The following SYN2 variants were observed in gnomAD, a reference collection of about 807,000 sequenced individuals.
SYN2 encodes the protein synapsin II.
In SYN2, 19 loss-of-function variants were observed where a neutral mutation model predicts 50.9. That is an observed-to-expected ratio of 0.37 (90% CI 0.26 to 0.55). SYN2 has a LOEUF of 0.55. Ranked by LOEUF, SYN2 falls within the 20% of genes least tolerant of loss-of-function variation. The pLI is 0.81. For synonymous variants in SYN2, 255 were observed against 224.9 expected, an observed-to-expected ratio of 1.13 and a Z score of -1.20; for missense variants, 587 against 576.4, an observed-to-expected ratio of 1.02 and a Z score of -0.19.
At chr3:12,112,657 A>G (rs1011356601) in intron 1 of SYN2, among the ~76,000 whole-genome samples, 1 of 152,190 alleles carries the variant, frequency 6.6e-6, no homozygotes, top group African/African-American at 2.4e-5. Context: ...TTTCTAGATG[A>G]GGGCTCTAAA....
intron 1 of SYN2, among the ~76,000 whole-genome samples, chr3:12,038,887 C>T (rs1305904166): frequency 3.9e-5 from 6 of 152,098 alleles, no homozygotes; most frequent in East Asian, 3.8e-4. Context: ...TTTTCCAATT[C>T]GGATGCCTTT....
intron 1 of SYN2, among the ~76,000 whole-genome samples, chr3:12,072,551 T>C (rs1465247011): frequency 6.6e-6 from 1 of 152,220 alleles, no homozygotes; most frequent in East Asian, 1.9e-4. Context: ...CGATATATGG[T>C]TGTCCCAGCA....
chr3:12,014,202 A>G (rs553269483), intron 1 of SYN2, among the ~76,000 whole-genome samples: 3 of 152,274 alleles, frequency 2.0e-5, no homozygotes, highest in African/African-American at 7.2e-5. Flanking sequence ...TCCTTTTTGC[A>G]TCCTTAGCAT....
chr3:12,099,008 G>A (rs1475088617), intron 1 of SYN2, among the ~76,000 whole-genome samples: 3 of 151,844 alleles, frequency 2.0e-5, no homozygotes, highest in Admixed American at 2.0e-4. Flanking sequence ...ACTCTATCAA[G>A]AAGATGTAAC....
chr3:12,170,853 G>T (rs1697921374), intron 10 of SYN2, among the ~76,000 whole-genome samples: 1 of 152,196 alleles, frequency 6.6e-6, no homozygotes, highest in Non-Finnish European at 1.5e-5. Flanking sequence ...TGTGGGCTTT[G>T]AAGTGAGAAC....
At chr3:12,022,488 A>G (rs908620495) in intron 1 of SYN2, among the ~76,000 whole-genome samples, 4 of 152,166 alleles carry the variant, frequency 2.6e-5, no homozygotes, top group African/African-American at 9.6e-5. Context: ...GCTCACTGCA[A>G]CCTTTGCCTC....
At chr3:12,155,327 G>A (rs1697423262) in intron 5 of SYN2, among the ~76,000 whole-genome samples, 1 of 152,216 alleles carries the variant, frequency 6.6e-6, no homozygotes. Flanking sequence ...TGCAGTATAA[G>A]AACAAAGGAA....
chr3:12,065,964 G>A (rs1395987949), intron 1 of SYN2, among the ~76,000 whole-genome samples: 1 of 152,180 alleles, frequency 6.6e-6, no homozygotes, highest in African/African-American at 2.4e-5. Context: ...AAGCAGATTA[G>A]TGGTTACCTA....
chr3:12,070,141 C>T (rs913283477), intron 1 of SYN2: 1 of 302,236 alleles, frequency 3.3e-6, no homozygotes, highest in South Asian at 3.2e-5. Flanking sequence ...TGGTTAATGA[C>T]GTTGAGTATC....
Position 12,142,003 on chromosome 3 carries a change from G to A in SYN2, c.527+7G>A, listed in dbSNP as rs2125216965. ...ATGGCACAAAGGTTGTCCGGTAAGGGTCTTTCTGTCCTCAGGATCATTGTG... is the reference window on the plus strand; with the variant it reads ...ATGGCACAAAGGTTGTCCGGTAAGGATCTTTCTGTCCTCAGGATCATTGTG... On this transcript the variant is annotated splice_region_variant and intron_variant, in intron 3 of 12. Transcript: ENST00000621198. 5.1e-6 allele frequency: 4 copies of A among 780,728 alleles called. No individual in the cohort carries two copies. In the East Asian group the frequency reaches 7.3e-5, roughly 14 times the overall value. The allele number at this position is 780,728 out of a possible 1,614,324, so 48.4% of individuals were successfully genotyped here.
Position 12,190,689 on chromosome 3 carries a change from AG to A in SYN2, c.*65del. ...GGCATCTAAGACATTCACCAACAAC[AG>A]TCAGCCAGCTTGGTGGTTATGTCCC... On this transcript the variant is annotated 3_prime_UTR_variant, in exon 13 of 13. Transcript: ENST00000621198. 1 of 1,583,240 alleles carries A rather than the reference AG, an allele frequency of 6.3e-7. No individual in the cohort carries two copies. Among genetic ancestry groups the A allele is most frequent in the Non-Finnish European group, 8.6e-7 (1 of 1,165,550 alleles).
At chr3:12,101,911 TAGTC>T (rs1696085426) in intron 1 of SYN2, among the ~76,000 whole-genome samples, 1 of 152,146 alleles carries the variant, frequency 6.6e-6, no homozygotes. Context: ...ATACAGGGAT[TAGTC>T]AGACACAGTC....
intron 1 of SYN2, among the ~76,000 whole-genome samples, chr3:12,068,312 A>C (rs1695266240): frequency 6.6e-6 from 1 of 152,182 alleles, no homozygotes; most frequent in African/African-American, 2.4e-5. Context: ...GGCATTGCTC[A>C]GTTATCTTCC....
intron 1 of SYN2, among the ~76,000 whole-genome samples, chr3:12,045,206 A>G (rs1347613836): frequency 6.6e-6 from 1 of 152,106 alleles, no homozygotes; most frequent in African/African-American, 2.4e-5. Context: ...GGTTTACTGC[A>G]TTTAGTATTT....
intron 1 of SYN2, among the ~76,000 whole-genome samples, chr3:12,009,084 C>T (rs775673646): frequency 4.7e-4 from 71 of 152,270 alleles, no homozygotes; most frequent in Non-Finnish European, 7.5e-4. Context: ...AGGTTTGGGG[C>T]TTCTCTTTGT....
intron 6 of SYN2, 158 bp downstream of exon 6, chr3:12,161,766 G>C: frequency 9.9e-7 from 1 of 1,010,170 alleles, no homozygotes. Flanking sequence ...CACCCAACCA[G>C]ACCTCTTTCA....
intron 10 of SYN2, among the ~76,000 whole-genome samples, chr3:12,182,457 C>T (rs1390836607): frequency 6.6e-6 from 1 of 152,180 alleles, no homozygotes; most frequent in East Asian, 1.9e-4. Flanking sequence ...CAAACTAAGT[C>T]GCACAGGTCT....
intron 5 of SYN2, 64 bp from the exon 6 acceptor site, chr3:12,161,482 G>A: frequency 6.3e-7 from 1 of 1,580,968 alleles, no homozygotes; most frequent in Non-Finnish European, 8.7e-7. Context: ...AGAAAAATAT[G>A]TGTAGGATTC....
At chr3:12,157,596 G>A (rs1301726290) in intron 5 of SYN2, 14 of 994,276 alleles carry the variant, frequency 1.4e-5, no homozygotes, top group Non-Finnish European at 1.8e-5. Flanking sequence ...TGGTTTTGGT[G>A]TGGCTGGGTT....
Sources: allele counts gnomAD v4.1 joint callset (sites outside exome capture counted in the v4.1 genomes callset), GRCh38; gene constraint gnomAD v4.1.1; transcripts MANE v1.5; gene names NCBI Gene and HGNC (gene_info 2026-07-23, HGNC 2026-07-21).